The following DAB1 variants were observed in gnomAD, a reference collection of about 807,000 sequenced individuals.
DAB1 encodes disabled homolog 1.
A neutral mutation model predicts 64.6 loss-of-function variants in DAB1; 15 were observed. The observed-to-expected ratio is 0.23, with a 90% CI of 0.16 to 0.36. DAB1 has a LOEUF of 0.36. DAB1 is among the 10% of genes least tolerant of loss of function. The pLI is 1.00. For missense variants in DAB1, 596 were observed against 706.7 expected, an observed-to-expected ratio of 0.84 and a Z score of 1.78; for synonymous variants, 235 against 251.9, an observed-to-expected ratio of 0.93 and a Z score of 0.64.
At chr1:57,095,132 T>C (rs1042168775) in intron 4 of DAB1, among the ~76,000 whole-genome samples, 2 of 152,190 alleles carry the variant, frequency 1.3e-5, no homozygotes, top group Non-Finnish European at 2.9e-5. Flanking sequence ...AAAACTCTTG[T>C]ACCTCTGCAT....
intron 7 of DAB1, among the ~76,000 whole-genome samples, chr1:57,632,666 T>A (rs963493392): frequency 6.6e-6 from 1 of 152,106 alleles, no homozygotes; most frequent in Non-Finnish European, 1.5e-5. Context: ...CTCAGGAGAA[T>A]GGAATTCTCA....
intron 2 of DAB1, among the ~76,000 whole-genome samples, chr1:57,260,284 G>A (rs1299003734): frequency 2.6e-5 from 4 of 152,146 alleles, no homozygotes; most frequent in Admixed American, 6.5e-5. Flanking sequence ...CTAATACTAC[G>A]AGTGGGTAAA....
chr1:57,899,382 G>A (rs932133001), intron 5 of DAB1, among the ~76,000 whole-genome samples: 2 of 152,122 alleles, frequency 1.3e-5, no homozygotes, highest in Non-Finnish European at 1.5e-5. Context: ...AGATGTGGAA[G>A]CCCTCAGAAA....
At chr1:57,860,782 A>G (rs1653981170) in intron 1 of DAB1, 1 of 152,226 alleles carries the variant, frequency 6.6e-6, no homozygotes, top group Non-Finnish European at 1.5e-5. Context: ...GTGTGATGAG[A>G]AAGCTGCCAC....
At chr1:57,924,195 C>G (rs918635408) in intron 5 of DAB1, among the ~76,000 whole-genome samples, 3 of 152,196 alleles carry the variant, frequency 2.0e-5, no homozygotes, top group African/African-American at 7.2e-5. Flanking sequence ...GAATCAGCCT[C>G]TTTGAAGGAC....
At chr1:57,831,676 T>G (rs852784) in intron 1 of DAB1, among the ~76,000 whole-genome samples, 89,799 of 151,342 alleles carry the variant, frequency 0.59, 26,818 homozygotes, top group African/African-American at 0.65. Context: ...CTGTATATCT[T>G]GAACTACAGG....
At position 57,764,892 on chromosome 1, in the gene DAB1, A is replaced by G. The variant is rs1649242740; in HGVS notation, n.552-115227T>C. 2.0e-5 allele frequency among the ~76,000 whole-genome samples: 3 copies of G among 152,328 alleles called. No individual in the cohort carries two copies. The South Asian group carries it at 6.2e-4, about 32-fold the overall frequency. On this transcript the variant is annotated intron_variant and non_coding_transcript_variant, in intron 6 of 20. Coordinates refer to the DAB1 transcript ENST00000485760. The stretch of plus-strand genomic sequence containing the variant: ...CTGAGATAAATTAGGAACTTTGGAA[A>G]CTTTATGTTTTAGAAATAATCAGAG...
intron 1 of DAB1, among the ~76,000 whole-genome samples, chr1:57,839,124 T>C (rs1652939815): frequency 6.6e-6 from 1 of 152,166 alleles, no homozygotes; most frequent in South Asian, 2.1e-4. Flanking sequence ...CAAGATTGTC[T>C]GGAGGATTTC....
intron 6 of DAB1, among the ~76,000 whole-genome samples, chr1:57,652,820 A>C (rs1646272501): frequency 6.6e-6 from 1 of 152,190 alleles, no homozygotes; most frequent in Non-Finnish European, 1.5e-5. Context: ...ACTATTAAAC[A>C]CTTAATGAGT....
intron 7 of DAB1, among the ~76,000 whole-genome samples, chr1:57,483,922 T>C (rs1161814218): frequency 1.3e-5 from 2 of 152,014 alleles, no homozygotes; most frequent in Non-Finnish European, 2.9e-5. Flanking sequence ...TTTCTAGAGG[T>C]AAAATGAGCA....
At chr1:57,329,018 A>G (rs1676419647) in intron 1 of DAB1, among the ~76,000 whole-genome samples, 1 of 152,212 alleles carries the variant, frequency 6.6e-6, no homozygotes, top group Non-Finnish European at 1.5e-5. Flanking sequence ...TTTAAGAAAA[A>G]ATCCCAGCCT....
chr1:58,341,039 A>T (rs1329402760), intron 4 of DAB1, among the ~76,000 whole-genome samples: 2 of 152,134 alleles, frequency 1.3e-5, no homozygotes, highest in African/African-American at 4.8e-5. Flanking sequence ...CTATCCATAC[A>T]TTCTGGGCTC....
chr1:58,230,349 G>A (rs1287366805), intron 4 of DAB1, among the ~76,000 whole-genome samples: 2 of 152,174 alleles, frequency 1.3e-5, no homozygotes, highest in Non-Finnish European at 2.9e-5. Context: ...AGCTTTGTGT[G>A]TAATAGCCAC....
At position 57,245,494 on chromosome 1, in the gene DAB1, A is replaced by G. The variant is rs1026688118; in HGVS notation, c.67+45470T>C. ...CCCCTTCCTGTGTCCATGTGTTCTC[A>G]TTGTTCAATTCCCACCTATGAGTGA... On this transcript the variant is annotated intron_variant, in intron 2 of 14. Transcript: ENST00000371236. Among the ~76,000 whole-genome samples, 15 of 151,558 alleles carry G rather than the reference A, an allele frequency of 9.9e-5. No homozygotes were observed. The South Asian group carries it at 1.3e-3, about 13-fold the overall frequency.
chr1:58,220,838 C>T (rs542613204), intron 4 of DAB1, among the ~76,000 whole-genome samples: 2 of 147,672 alleles, frequency 1.4e-5, no homozygotes, highest in East Asian at 4.0e-4. Context: ...TATATATATA[C>T]ACGTATACAC....
intron 4 of DAB1, among the ~76,000 whole-genome samples, chr1:57,083,762 C>G (rs1035196395): frequency 5.3e-5 from 8 of 152,044 alleles, no homozygotes; most frequent in Non-Finnish European, 1.0e-4. Flanking sequence ...AGGTGGTGGT[C>G]GTGACAAACA....
rs1360327034 is a variant in DAB1 at position 57,832,330 on chromosome 1, GA to G, written n.88-5876del. Among the ~76,000 whole-genome samples the G allele has an allele frequency of 2.6e-5, 4 of 151,988 alleles. No homozygotes were observed. The East Asian group carries it at 7.7e-4, about 29-fold the overall frequency. On this transcript the variant is annotated intron_variant and non_coding_transcript_variant, in intron 1 of 1. Transcript: ENST00000477280. ...TAAAACCTGGGCCAATAAATGAAAA[GA>G]AAAAAAGTGACAATCATACCACTGG...
At chr1:57,469,543 C>G (rs1037997520) in intron 7 of DAB1, among the ~76,000 whole-genome samples, 1 of 152,218 alleles carries the variant, frequency 6.6e-6, no homozygotes, top group Non-Finnish European at 1.5e-5. Flanking sequence ...GGAGCTTGCA[C>G]TCTCCTTGTT....
chr1:58,480,920 G>A (rs868722549), intron 3 of DAB1: 3 of 810,448 alleles, frequency 3.7e-6, no homozygotes, highest in East Asian at 4.9e-5. Flanking sequence ...AAAATGATAA[G>A]GACTGCAACA....
Sources: allele counts gnomAD v4.1 joint callset (sites outside exome capture counted in the v4.1 genomes callset), GRCh38; gene constraint gnomAD v4.1.1; transcripts MANE v1.5; gene names NCBI Gene and HGNC (gene_info 2026-07-23, HGNC 2026-07-21).